LOC400499: variants seen among roughly 807,000 people sequenced by gnomAD.
the LOC400499 span, among the ~76,000 whole-genome samples, chr16:11,527,114 G>A: frequency 1.3e-5 from 2 of 152,182 alleles, no homozygotes; most frequent in African/African-American, 4.8e-5. Flanking sequence ...CTTACTCTCC[G>A]CAGTCACTGC....
chr16:11,411,650 C>G, the LOC400499 span, among the ~76,000 whole-genome samples: 10 of 152,242 alleles, frequency 6.6e-5, no homozygotes, highest in Non-Finnish European at 1.3e-4. Flanking sequence ...CCATTGGTAT[C>G]AAGGGTTAAA....
the LOC400499 span, among the ~76,000 whole-genome samples, chr16:11,509,657 C>T: frequency 6.6e-6 from 1 of 151,686 alleles, no homozygotes; most frequent in Non-Finnish European, 1.5e-5. Context: ...ATGGTGAAAC[C>T]TGTCTCTATT....
the LOC400499 span, among the ~76,000 whole-genome samples, chr16:11,437,512 T>C: frequency 2.0e-5 from 3 of 152,206 alleles, no homozygotes; most frequent in Non-Finnish European, 4.4e-5. Flanking sequence ...TGAGCCATAA[T>C]CATGCCACTG....
the LOC400499 span, among the ~76,000 whole-genome samples, chr16:11,427,627 G>C: frequency 4.6e-5 from 7 of 151,768 alleles, no homozygotes; most frequent in Admixed American, 1.3e-4. Context: ...TAAAATTTTT[G>C]TAGCGACAGA....
At chr16:11,414,193 G>C in the LOC400499 span, 1 of 397,924 alleles carries the variant, frequency 2.5e-6, no homozygotes, top group East Asian at 3.6e-5. Context: ...TAGCGATTAT[G>C]AATGAAGCCT....
the LOC400499 span, among the ~76,000 whole-genome samples, chr16:11,459,110 A>C: frequency 6.6e-6 from 1 of 151,826 alleles, no homozygotes; most frequent in African/African-American, 2.4e-5. Context: ...ATACTTAGCC[A>C]CAATTAAAAT....
the LOC400499 span, among the ~76,000 whole-genome samples, chr16:11,501,788 G>A: frequency 4.9e-4 from 74 of 152,212 alleles, 1 homozygote; most frequent in African/African-American, 1.7e-3. Flanking sequence ...TCCAGCAAGA[G>A]GGTCCCTGTC....
At chr16:11,499,843 G>C in the LOC400499 span, among the ~76,000 whole-genome samples, 3 of 152,182 alleles carry the variant, frequency 2.0e-5, no homozygotes, top group African/African-American at 7.2e-5. Flanking sequence ...CCAGGAAAGT[G>C]AGGACACACC....
the LOC400499 span, chr16:11,399,112 G>T: frequency 1.6e-6 from 1 of 607,350 alleles, no homozygotes; most frequent in Non-Finnish European, 2.1e-6. Flanking sequence ...CCCATGAGGA[G>T]CCCTATCAGG....
At chr16:11,471,698 G>T in the LOC400499 span, 21 of 399,068 alleles carry the variant, frequency 5.3e-5, no homozygotes, top group African/African-American at 4.3e-4. Flanking sequence ...TACTGTCGGA[G>T]CCCCGGGTCC....
At chr16:11,388,582 C>T in the LOC400499 span, among the ~76,000 whole-genome samples, 3 of 152,136 alleles carry the variant, frequency 2.0e-5, 1 homozygote, top group East Asian at 5.8e-4. Context: ...CAGGTCTCTG[C>T]TCTAAACTGG....
chr16:11,456,033 C>G, the LOC400499 span, among the ~76,000 whole-genome samples: 12 of 143,606 alleles, frequency 8.4e-5, no homozygotes, highest in Non-Finnish European at 9.1e-5. Flanking sequence ...AAAAAAAATT[C>G]GTGGATAAAA....
At chr16:11,460,813 G>C in the LOC400499 span, 1 of 1,187,450 alleles carries the variant, frequency 8.4e-7, no homozygotes. Context: ...TTTTTAATGG[G>C]CAGGTATTCA....
chr16:11,493,707 G>T, the LOC400499 span: 2 of 396,884 alleles, frequency 5.0e-6, no homozygotes, highest in Non-Finnish European at 8.9e-6. Context: ...CGGGTGTGCT[G>T]CTTCTCAGAG....
At chr16:11,456,308 A>C in the LOC400499 span, among the ~76,000 whole-genome samples, 1 of 152,306 alleles carries the variant, frequency 6.6e-6, no homozygotes, top group African/African-American at 2.4e-5. Flanking sequence ...CCAGCCTCCT[A>C]AAGTACTAGG....
At chr16:11,467,917 C>T in the LOC400499 span, among the ~76,000 whole-genome samples, 1 of 152,080 alleles carries the variant, frequency 6.6e-6, no homozygotes, top group Non-Finnish European at 1.5e-5. Flanking sequence ...ACCCTAATCC[C>T]GTTTGCCTGG....
chr16:11,403,377 G>A, the LOC400499 span, among the ~76,000 whole-genome samples: 2 of 152,336 alleles, frequency 1.3e-5, 1 homozygote, highest in South Asian at 4.1e-4. Flanking sequence ...GTGTGGGGCT[G>A]CAGACTGTGT....
At chr16:11,487,476 CAGA>C in the LOC400499 span, 1 of 397,622 alleles carries the variant, frequency 2.5e-6, no homozygotes, top group Non-Finnish European at 4.4e-6. Context: ...GAGACAGGGC[CAGA>C]TACATGGTGT....
chr16:11,390,952 C>T, the LOC400499 span, among the ~76,000 whole-genome samples: 1 of 152,248 alleles, frequency 6.6e-6, no homozygotes, highest in Non-Finnish European at 1.5e-5. Context: ...GTACCCTGGG[C>T]ACTGGCCCTG....
Sources: allele counts gnomAD v4.1 joint callset (sites outside exome capture counted in the v4.1 genomes callset), GRCh38; gene constraint gnomAD v4.1.1; transcripts MANE v1.5.